REEP1: variants seen among roughly 807,000 people sequenced by gnomAD.
REEP1 encodes receptor expression-enhancing protein 1.
A neutral mutation model predicts 40.3 loss-of-function variants in REEP1; 22 were observed. That is an observed-to-expected ratio of 0.55 (90% CI 0.39 to 0.78). The LOEUF (loss-of-function observed/expected upper bound fraction) is 0.78. Ranked by LOEUF, REEP1 falls within the 30% of genes least tolerant of loss-of-function variation. The pLI, the probability that REEP1 is intolerant of heterozygous loss-of-function variation, is 0.00. For synonymous variants in REEP1, 116 were observed against 139.2 expected (o/e 0.83, Z 1.17); for missense variants, 280 against 361.1 (o/e 0.78, Z 1.82).
intron 1 of REEP1, among the ~76,000 whole-genome samples, chr2:86,330,091 T>C (rs923976545): frequency 6.6e-6 from 1 of 152,162 alleles, no homozygotes; most frequent in African/African-American, 2.4e-5. Flanking sequence ...ACTTAAGACC[T>C]CCTTTCTTGA....
intron 1 of REEP1, among the ~76,000 whole-genome samples, chr2:86,332,918 G>A (rs1680843858): frequency 6.6e-6 from 1 of 152,186 alleles, no homozygotes; most frequent in Non-Finnish European, 1.5e-5. Flanking sequence ...GGTGACTGTG[G>A]CCAAAAACCT....
chr2:86,256,340 T>C (rs1574042098), intron 3 of REEP1, among the ~76,000 whole-genome samples: 1 of 117,334 alleles, frequency 8.5e-6, no homozygotes, highest in African/African-American at 3.8e-5. Flanking sequence ...AGAGCAAGAT[T>C]CCATCTCAAA....
At chr2:86,312,321 T>A (rs1367962638) in intron 1 of REEP1, among the ~76,000 whole-genome samples, 1 of 152,062 alleles carries the variant, frequency 6.6e-6, no homozygotes, top group African/African-American at 2.4e-5. Context: ...GACCATTTAC[T>A]CCCCTTCCAT....
At chr2:86,246,584 T>C (rs1675967380) in intron 5 of REEP1, among the ~76,000 whole-genome samples, 1 of 152,226 alleles carries the variant, frequency 6.6e-6, no homozygotes, top group South Asian at 2.1e-4. Flanking sequence ...AGAAACCTAG[T>C]ATGTGGTTCA....
intron 1 of REEP1, among the ~76,000 whole-genome samples, chr2:86,315,237 C>T (rs1381251945): frequency 1.3e-5 from 2 of 152,192 alleles, no homozygotes; most frequent in Admixed American, 6.5e-5. Context: ...GAAGCACAGT[C>T]CCGTAGCCAA....
intron 4 of REEP1, among the ~76,000 whole-genome samples, chr2:86,253,291 C>A (rs1436829458): frequency 6.6e-6 from 1 of 151,912 alleles, no homozygotes; most frequent in Non-Finnish European, 1.5e-5. Flanking sequence ...CCCCACCCCC[C>A]AAAAAAAGGC....
chr2:86,267,994 C>T lies in REEP1; in HGVS notation c.106-3953G>A, dbSNP rs562894799. ...TAGCAAAGTAGAAATAGAAGGGAAG[C>T]TCCTCAACTTGATAAAGAACATATT... On this transcript the variant is annotated intron_variant, in intron 2 of 8. Transcript: ENST00000538924. Among the ~76,000 whole-genome samples, 8 of 151,656 alleles carry T rather than the reference C, an allele frequency of 5.3e-5. No individual in the cohort carries two copies. In the East Asian group the frequency reaches 1.5e-3, roughly 29 times the overall value.
At chr2:86,238,629 G>T (rs564047794) in intron 5 of REEP1, among the ~76,000 whole-genome samples, 1 of 152,308 alleles carries the variant, frequency 6.6e-6, no homozygotes, top group East Asian at 1.9e-4. Context: ...ACCTGAAAGA[G>T]GATCCTGCTG....
intron 1 of REEP1, among the ~76,000 whole-genome samples, chr2:86,307,155 G>T (rs1407841083): frequency 3.3e-5 from 5 of 149,300 alleles, no homozygotes; most frequent in African/African-American, 7.4e-5. Context: ...AGTGAGCCGA[G>T]ATCACGCCAT....
At chr2:86,221,273 C>T (rs944353930) in intron 7 of REEP1, among the ~76,000 whole-genome samples, 5 of 152,212 alleles carry the variant, frequency 3.3e-5, no homozygotes, top group Non-Finnish European at 5.9e-5. Context: ...TGCTCCCCAA[C>T]AGCCAGCAGG....
chr2:86,304,090 C>A lies in REEP1; in HGVS notation c.33-21848G>T, dbSNP rs757692528. Reference sequence around the variant, plus strand: ...TGGTGAAGGTACAGCACAGAGGTTACAAAAGCAGTTTACAACCCAGGCTGT... The same window carrying A: ...TGGTGAAGGTACAGCACAGAGGTTAAAAAAGCAGTTTACAACCCAGGCTGT... On this transcript the variant is annotated intron_variant, in intron 1 of 8. Coordinates refer to ENST00000538924, the MANE Select transcript of REEP1 (RefSeq NM_001371279.1). 7.2e-5 allele frequency among the ~76,000 whole-genome samples: 11 copies of A among 152,208 alleles called. No individual in the cohort carries two copies. In the South Asian group the frequency reaches 1.7e-3, roughly 23 times the overall value.
At chr2:86,278,172 C>A (rs538200824) in intron 2 of REEP1, among the ~76,000 whole-genome samples, 2 of 152,278 alleles carry the variant, frequency 1.3e-5, no homozygotes, top group African/African-American at 2.4e-5. Context: ...ACAAAAGACA[C>A]AAATACAGCT....
chr2:86,337,037 T>A lies in REEP1; in HGVS notation c.32+442A>T, dbSNP rs1045241626. 6.6e-6 allele frequency: 1 copy of A among 152,626 alleles called. No individual in the cohort carries two copies. The highest frequency in any genetic ancestry group is 1.5e-5 in the Non-Finnish European group (1 of 68,222). 9.5% of individuals were successfully genotyped at this position (152,626 alleles called of 1,614,324 possible). A position where few individuals can be genotyped will look rare whatever the true frequency, so the allele number is the denominator to read the frequency against. On this transcript the variant is annotated intron_variant, in intron 1 of 8. Transcript: ENST00000538924. This position sits in a 1 kb window ranked among gnomAD's most constrained non-coding sequence, Gnocchi z 5.8. ...CTCCAGGCAGCGCCCCTGGTTCGTC[T>A]GCGCTGTCCTTTCCACCTGACAAAA...
intron 2 of REEP1, among the ~76,000 whole-genome samples, chr2:86,272,014 G>A (rs961885382): frequency 6.6e-6 from 1 of 152,226 alleles, no homozygotes; most frequent in African/African-American, 2.4e-5. Flanking sequence ...CCTGAGGTCA[G>A]GAGTTTGAGA....
intron 1 of REEP1, among the ~76,000 whole-genome samples, chr2:86,298,115 T>C (rs1263139983): frequency 6.6e-6 from 1 of 152,128 alleles, no homozygotes; most frequent in Non-Finnish European, 1.5e-5. Flanking sequence ...CTGTGGCCAC[T>C]GGCAGCAGGT....
chr2:86,242,229 C>T (rs1675705956), intron 5 of REEP1, among the ~76,000 whole-genome samples: 1 of 152,300 alleles, frequency 6.6e-6, no homozygotes, highest in African/African-American at 2.4e-5. Flanking sequence ...AAGCGAGGTT[C>T]ACAGAGGTGC....
chr2:86,251,881 G>T (rs1249855819), intron 5 of REEP1, 76 bp downstream of exon 5: 5 of 987,332 alleles, frequency 5.1e-6, no homozygotes, highest in Non-Finnish European at 6.6e-6. Context: ...CCTGTTCTGT[G>T]TGGTCGCACA....
chr2:86,274,495 A>T (rs1677633717), intron 2 of REEP1, among the ~76,000 whole-genome samples: 1 of 152,250 alleles, frequency 6.6e-6, no homozygotes, highest in Non-Finnish European at 1.5e-5. Flanking sequence ...AACAAGGTCA[A>T]CGGAACACTG....
At chr2:86,217,770 C>T (rs866023244) in intron 8 of REEP1, among the ~76,000 whole-genome samples, 1 of 148,146 alleles carries the variant, frequency 6.8e-6, no homozygotes, top group South Asian at 2.2e-4. Flanking sequence ...TGAGCATGAC[C>T]TTTGTGCGTC....
Sources: allele counts gnomAD v4.1 joint callset (sites outside exome capture counted in the v4.1 genomes callset), GRCh38; gene constraint gnomAD v4.1.1; non-coding constraint Gnocchi (gnomAD v3.1); transcripts MANE v1.5; gene names NCBI Gene and HGNC (gene_info 2026-07-23, HGNC 2026-07-21).